RPS6KA1: variants seen among roughly 807,000 people sequenced by gnomAD.
The protein encoded by RPS6KA1 is ribosomal protein S6 kinase A1.
RPS6KA1 carries 48 observed loss-of-function variants against 91.3 expected under a neutral mutation model. The observed-to-expected ratio is 0.53, with a 90% CI of 0.42 to 0.67. The LOEUF (loss-of-function observed/expected upper bound fraction) is 0.67. Among genes scored for constraint, RPS6KA1 ranks in the 30% least tolerant of loss-of-function variants. RPS6KA1 has a pLI of 0.00. For missense variants in RPS6KA1, 719 were observed against 960.5 expected (o/e 0.75, Z 3.32); for synonymous variants, 359 against 384.7 (o/e 0.93, Z 0.78).
intron 17 of RPS6KA1, among the ~76,000 whole-genome samples, chr1:26,568,142 A>G (rs774225526): frequency 2.6e-5 from 4 of 152,344 alleles, no homozygotes; most frequent in Non-Finnish European, 4.4e-5. Context: ...CCGAGTTGCT[A>G]TGTAGTGACT....
chr1:26,529,820 G>A lies in RPS6KA1; in HGVS notation c.-101G>A, dbSNP rs1357544943. 6 of 887,158 alleles carry A rather than the reference G, an allele frequency of 6.8e-6. No individual in the cohort carries two copies. Among genetic ancestry groups the A allele is most frequent in the Admixed American group, 4.7e-5 (1 of 21,098 alleles). The allele number at this position is 887,158 out of a possible 1,614,324, so 55.0% of individuals were successfully genotyped here. ...CCCAGCCGGAGCGCGAGGGGCTCGG[G>A]GGGGCGCGGCGGTTCGGGTCGCAGA... On this transcript the variant is annotated 5_prime_UTR_variant, in exon 1 of 22. Coordinates refer to ENST00000374168, the MANE Select transcript of RPS6KA1 (RefSeq NM_002953.4). The surrounding 1 kb of genome is among the most constrained non-coding windows in gnomAD (Gnocchi z 4.2).
At chr1:26,535,470 G>A (rs1157556570) in intron 1 of RPS6KA1, among the ~76,000 whole-genome samples, 2 of 152,080 alleles carry the variant, frequency 1.3e-5, no homozygotes, top group Admixed American at 6.6e-5. Flanking sequence ...GGAACCTCCT[G>A]TCTGCCTCAC....
intron 2 of RPS6KA1, among the ~76,000 whole-genome samples, chr1:26,544,841 A>G (rs991306146): frequency 3.3e-5 from 5 of 151,046 alleles, no homozygotes; most frequent in Non-Finnish European, 7.4e-5. Flanking sequence ...GTCTCTGCCT[A>G]TTGGAGATGT....
chr1:26,530,021 G>A, intron 1 of RPS6KA1, 38 bp downstream of exon 1: 1 of 1,296,216 alleles, frequency 7.7e-7, no homozygotes, highest in South Asian at 2.0e-5. Flanking sequence ...CCCGCGGCCG[G>A]CGAGCCCGGA....
chr1:26,533,051 C>T (rs1242639977), intron 1 of RPS6KA1, among the ~76,000 whole-genome samples: 3 of 152,162 alleles, frequency 2.0e-5, no homozygotes, highest in African/African-American at 7.2e-5. Flanking sequence ...CACCTGCCCT[C>T]GTGATACAGA....
In RPS6KA1 at chr1:26,551,460, T is replaced by C; in HGVS notation, c.371T>C (p.Val124Ala). 6.2e-7 allele frequency: 1 copy of C among 1,614,146 alleles called. No homozygotes were observed. The highest frequency in any genetic ancestry group is 8.5e-7 in the Non-Finnish European group (1 of 1,179,990). ...CTGGCTGATGTAAATCACCCATTCG[T>C]GGTGAAGCTGCACTATGGTAAAGCT... ...DILADVNHPF[V>A]VKLHYAFQTE... Residue 124 changes from valine to alanine, a missense_variant, in exon 5 of 22, where the codon GTG (valine) becomes GCG (alanine). By Grantham distance (64) the Val-to-Ala change is moderately conservative. Around this residue, in one of 5 missense-constraint regions of RPS6KA1, gnomAD observed 159 missense variants for 264.5 expected, o/e 0.60. Transcript: ENST00000374168. This position sits in a 1 kb window ranked among gnomAD's most constrained non-coding sequence, Gnocchi z 4.5.
Position 26,574,303 on chromosome 1 carries a change from C to T in RPS6KA1, c.*102C>T. On this transcript the variant is annotated 3_prime_UTR_variant, in exon 22 of 22. Coordinates refer to ENST00000374168, the MANE Select transcript of RPS6KA1 (RefSeq NM_002953.4). This position sits in a 1 kb window ranked among gnomAD's most constrained non-coding sequence, Gnocchi z 4.3. ...ACCACAGGGCCAGAGGGAGCTGGAACCCGAGGGGCCGGGGAAGCTGCCAGC... is the reference window on the plus strand; with the variant it reads ...ACCACAGGGCCAGAGGGAGCTGGAATCCGAGGGGCCGGGGAAGCTGCCAGC... 1 of 1,475,154 alleles carries T rather than the reference C, an allele frequency of 6.8e-7. No individual in the cohort carries two copies. Among genetic ancestry groups the T allele is most frequent in the African/African-American group, 1.4e-5 (1 of 72,320 alleles). The allele number at this position is 1,475,154 out of a possible 1,614,324, so 91.4% of individuals were successfully genotyped here.
intron 17 of RPS6KA1, among the ~76,000 whole-genome samples, chr1:26,562,984 C>T (rs2076167665): frequency 6.6e-6 from 1 of 151,724 alleles, no homozygotes; most frequent in Admixed American, 6.6e-5. Context: ...TTAGAGGCGC[C>T]TGTCACCATG....
At position 26,561,059 on chromosome 1, in the gene RPS6KA1, C is replaced by T. The variant is rs751695878; in HGVS notation, c.1356C>T (p.Ser452=). 12 of 1,613,766 alleles carry T rather than the reference C, an allele frequency of 7.4e-6. No individual in the cohort carries two copies. The East Asian group carries it at 1.6e-4, about 21-fold the overall frequency. ...MEYAVKVIDK[S]KRDPSEEIEI... ...CCTTTCTTCAGGTCATTGATAAGAG[C>T]AAGCGGGATCCTTCAGAAGAGATTG... The change falls in exon 16 of 22, where the codon AGC becomes AGT. Residue 452 remains serine (S), a synonymous_variant. Coordinates refer to ENST00000374168, the MANE Select transcript of RPS6KA1 (RefSeq NM_002953.4). The surrounding 1 kb of genome is among the most constrained non-coding windows in gnomAD (Gnocchi z 5.7).
chr1:26,553,260 GC>G, intron 6 of RPS6KA1, 130 bp from the exon 7 acceptor site: 1 of 618,638 alleles, frequency 1.6e-6, no homozygotes, highest in Non-Finnish European at 3.0e-6. Context: ...TGATGAGAAG[GC>G]TATATGGCCT....
chr1:26,568,143 T>C (rs2076220105), intron 17 of RPS6KA1, among the ~76,000 whole-genome samples: 1 of 152,246 alleles, frequency 6.6e-6, no homozygotes, highest in African/African-American at 2.4e-5. Context: ...CGAGTTGCTA[T>C]GTAGTGACTG....
chr1:26,541,270 A>AT (rs1304118819), intron 2 of RPS6KA1, among the ~76,000 whole-genome samples: 1 of 147,266 alleles, frequency 6.8e-6, no homozygotes, highest in African/African-American at 2.5e-5. Flanking sequence ...AAAAAAAAAA[A>AT]AATGCCGGAC....
In RPS6KA1 at chr1:26,551,911, T is replaced by G. The variant is rs545432917; in HGVS notation, c.468+188T>G. On this transcript the variant is annotated intron_variant, in intron 6 of 21. Transcript: ENST00000374168. This position sits in a 1 kb window ranked among gnomAD's most constrained non-coding sequence, Gnocchi z 4.5. ...ATGGAGGCCATACGCTGGCAAGGTC[T>G]CTGAGAGTTTCTCCCAAGGAAACTC... Among the ~76,000 whole-genome samples, 182 of 152,320 alleles carry G rather than the reference T, an allele frequency of 1.2e-3. No homozygotes were observed. The highest frequency in any genetic ancestry group is 2.2e-3 in the Non-Finnish European group (147 of 68,018).
chr1:26,566,994 C>G (rs1471838013), intron 17 of RPS6KA1, among the ~76,000 whole-genome samples: 2 of 151,096 alleles, frequency 1.3e-5, no homozygotes, highest in African/African-American at 4.9e-5. Context: ...ACAGGCCAGG[C>G]GGGGTTCTGT....
chr1:26,560,905 C>T lies in RPS6KA1; in HGVS notation c.1341+54C>T, dbSNP rs1372557693. On this transcript the variant is annotated intron_variant, in intron 15 of 21. Coordinates refer to ENST00000374168, the MANE Select transcript of RPS6KA1 (RefSeq NM_002953.4). ...GGCTGCTGGGTTGGGGGCAGGTCCC[C>T]GTCTGGTGGGGAGGGATGGTGCCTG... 46 of 1,612,454 alleles carry T rather than the reference C, an allele frequency of 2.9e-5. No individual in the cohort carries two copies. The Middle Eastern group carries it at 5.2e-4, about 18-fold the overall frequency.
At chr1:26,573,965 C>G (rs574317402) in intron 21 of RPS6KA1, 114 bp from the exon 22 acceptor site, 1 of 1,243,478 alleles carries the variant, frequency 8.0e-7, no homozygotes, top group East Asian at 2.4e-5. Flanking sequence ...AAAAACAAAA[C>G]CAAAAAAAGT....
chr1:26,555,007 G>A lies in RPS6KA1; in HGVS notation c.757-144G>A. 1.1e-6 allele frequency: 1 copy of A among 899,202 alleles called. No homozygotes were observed. Among genetic ancestry groups the A allele is most frequent in the Non-Finnish European group, 1.7e-6 (1 of 583,090 alleles). The allele number at this position is 899,202 out of a possible 1,614,324, so 55.7% of individuals were successfully genotyped here. On this transcript the variant is annotated intron_variant, in intron 9 of 21. Transcript: ENST00000374168. The surrounding 1 kb of genome is among the most constrained non-coding windows in gnomAD (Gnocchi z 4.3). ...GGTGGTCTGGTTGGCAGAGGCAAGA[G>A]GGACGGGCATAATTCTTGCTCCAGG... is the stretch of plus-strand genomic sequence containing the variant.
At position 26,555,074 on chromosome 1, in the gene RPS6KA1, AG is replaced by A. The variant is rs67600391; in HGVS notation, c.757-73del. Reference sequence around the variant, plus strand: ...AGCAAGAATCCTGGGACTGGGGCAGAGGGGTCTGACTGGGAGGAGGCGGGAG... The same window carrying A: ...AGCAAGAATCCTGGGACTGGGGCAGAGGGTCTGACTGGGAGGAGGCGGGAG... On this transcript the variant is annotated intron_variant, in intron 9 of 21. Transcript: ENST00000374168. The surrounding 1 kb of genome is among the most constrained non-coding windows in gnomAD (Gnocchi z 4.3). The A allele has an allele frequency of 0.27, 368,590 of 1,380,948 alleles. 54,689 individuals are homozygous for A. The highest frequency in any genetic ancestry group is 0.3 in the Non-Finnish European group (296,011 of 972,682). 85.5% of individuals were successfully genotyped at this position (1,380,948 alleles called of 1,614,324 possible).
rs1387442930 is a variant in RPS6KA1 at position 26,560,592 on chromosome 1, A to G, written c.1216-134A>G. 2.6e-6 allele frequency: 3 copies of G among 1,135,524 alleles called. No individual in the cohort carries two copies. The African/African-American group carries it at 4.7e-5, about 18-fold the overall frequency. 70.3% of individuals were successfully genotyped at this position (1,135,524 alleles called of 1,614,324 possible). A position where few individuals can be genotyped will look rare whatever the true frequency, so the allele number is the denominator to read the frequency against. On this transcript the variant is annotated intron_variant, in intron 14 of 21. Transcript: ENST00000374168. ...GGGGCAGGCTGTCACCTGCGGTCAC[A>G]TGGCCAACACTCTACCCCAAGTCTC...
Sources: allele counts gnomAD v4.1 joint callset (sites outside exome capture counted in the v4.1 genomes callset), GRCh38; gene constraint gnomAD v4.1.1; regional missense constraint gnomAD v4.1.1; non-coding constraint Gnocchi (gnomAD v3.1); transcripts MANE v1.5; gene names NCBI Gene and HGNC (gene_info 2026-07-23, HGNC 2026-07-21).